The following DACH2 variants were observed in gnomAD, a reference collection of about 807,000 sequenced individuals.
The protein encoded by DACH2 is dachshund homolog 2.
Under a neutral mutation model 35.8 loss-of-function variants are expected in DACH2, and 17 were observed. The observed-to-expected ratio is 0.48, with a 90% confidence interval of 0.33 to 0.71. The LOEUF is 0.71. Ranked by LOEUF, DACH2 falls within the 30% of genes least tolerant of loss-of-function variation. The probability of loss-of-function intolerance (pLI) is 0.02; values close to 1 mark genes in which losing one functional copy is unlikely to be tolerated. For synonymous variants in DACH2, 195 were observed against 177.3 expected (o/e 1.10, Z -0.79); for missense variants, 469 against 472.7 (o/e 0.99, Z 0.07).
chrX:86,486,037 A>G (rs996863461), intron 2 of DACH2, among the ~76,000 whole-genome samples: 14 of 111,524 alleles, frequency 1.3e-4, no homozygotes, highest in Non-Finnish European at 2.4e-4. Context: ...CAAAACACTT[A>G]GAAGAGTGCC....
intron 1 of DACH2, among the ~76,000 whole-genome samples, chrX:86,302,957 A>G (rs2034603853): frequency 9.2e-6 from 1 of 108,343 alleles, no homozygotes; most frequent in African/African-American, 3.4e-5. Flanking sequence ...CAATGCTAAC[A>G]CAAACAATAT....
rs759179833 is a variant in DACH2 at position 86,468,187 on chromosome X, GGTTAA to G, written c.528-46087_528-46083del. On this transcript the variant is annotated intron_variant, in intron 2 of 11. Coordinates refer to ENST00000373125, the MANE Select transcript of DACH2 (RefSeq NM_053281.3). ...ATATAGTAAATGTTGAATGGCTTTG[GGTTAA>G]GTTATCAATGCTTAGGCACTAATAC... Among the ~76,000 whole-genome samples the G allele has an allele frequency of 5.4e-5, 6 of 111,164 alleles. No individual in the cohort carries two copies. The South Asian group carries it at 1.9e-3, about 35-fold the overall frequency.
At chrX:86,316,059 C>T (rs1053376406) in intron 1 of DACH2, among the ~76,000 whole-genome samples, 3 of 110,877 alleles carry the variant, frequency 2.7e-5, no homozygotes, top group African/African-American at 9.8e-5. Context: ...TTTCTATCAG[C>T]TCTCACCCTG....
At chrX:86,461,885 A>G (rs2037579988) in intron 2 of DACH2, among the ~76,000 whole-genome samples, 1 of 111,483 alleles carries the variant, frequency 9.0e-6, no homozygotes, top group Non-Finnish European at 1.9e-5. Context: ...TGCTTTTGAC[A>G]TCTACTTTTT....
At chrX:86,656,838 A>C (rs2040545498) in intron 4 of DACH2, among the ~76,000 whole-genome samples, 2 of 84,271 alleles carry the variant, frequency 2.4e-5, no homozygotes, top group African/African-American at 9.3e-5. Context: ...CATATGTATT[A>C]AAATACATGT....
chrX:86,556,274 G>A (rs920356275), intron 3 of DACH2, among the ~76,000 whole-genome samples: 1 of 110,940 alleles, frequency 9.0e-6, no homozygotes, highest in Non-Finnish European at 1.9e-5. Context: ...AAAGCCAATC[G>A]TTGCCTGTTC....
At chrX:86,308,017 C>T (rs2034723294) in intron 1 of DACH2, among the ~76,000 whole-genome samples, 2 of 111,807 alleles carry the variant, frequency 1.8e-5, no homozygotes, top group South Asian at 7.5e-4. Flanking sequence ...AGATGGCCCA[C>T]TGTGAGAGAG....
chrX:86,307,518 CA>C (rs1204964826), intron 1 of DACH2, among the ~76,000 whole-genome samples: 1 of 111,576 alleles, frequency 9.0e-6, no homozygotes, highest in African/African-American at 3.3e-5. Context: ...TTCCCATCTC[CA>C]GTAGTGGCAA....
intron 3 of DACH2, among the ~76,000 whole-genome samples, chrX:86,644,281 G>A (rs1024968793): frequency 3.6e-5 from 4 of 111,381 alleles, no homozygotes; most frequent in Non-Finnish European, 7.6e-5. Context: ...ACCAACAACA[G>A]CCAAACTGAG....
chrX:86,817,860 G>A (rs969695164), intron 11 of DACH2, among the ~76,000 whole-genome samples: 4 of 111,775 alleles, frequency 3.6e-5, no homozygotes, highest in African/African-American at 1.3e-4. Context: ...CTTGCACTTA[G>A]GAAAGGACAC....
chrX:86,511,173 C>T (rs1299535508), intron 2 of DACH2, among the ~76,000 whole-genome samples: 1 of 111,664 alleles, frequency 9.0e-6, no homozygotes, highest in African/African-American at 3.3e-5. Context: ...TCCTTCCCAA[C>T]TTTTTACAGA....
chrX:86,522,645 A>AAT (rs2038572860), intron 3 of DACH2, among the ~76,000 whole-genome samples: 1 of 109,706 alleles, frequency 9.1e-6, no homozygotes, highest in African/African-American at 3.3e-5. Context: ...AGATGTTCCA[A>AAT]AATGAAGTTA....
intron 7 of DACH2, among the ~76,000 whole-genome samples, chrX:86,774,735 C>A (rs1252148133): frequency 8.9e-6 from 1 of 111,789 alleles, no homozygotes; most frequent in Non-Finnish European, 1.9e-5. Flanking sequence ...TGTTTTATTT[C>A]ACAAAAGTTC....
intron 7 of DACH2, among the ~76,000 whole-genome samples, chrX:86,775,512 A>C (rs1442914375): frequency 1.8e-5 from 2 of 111,780 alleles, no homozygotes; most frequent in East Asian, 5.7e-4. Flanking sequence ...GAGGTGAAAC[A>C]GTTTCATCCT....
intron 2 of DACH2, among the ~76,000 whole-genome samples, chrX:86,469,836 G>GTGTGTT: frequency 9.5e-6 from 1 of 105,289 alleles, no homozygotes; most frequent in South Asian, 4.3e-4. Flanking sequence ...ATACGTCTGT[G>GTGTGTT]TGTGTTTGTG....
At chrX:86,715,297 A>C (rs2148460684) in intron 6 of DACH2, among the ~76,000 whole-genome samples, 1 of 111,862 alleles carries the variant, frequency 8.9e-6, no homozygotes, top group South Asian at 3.7e-4. Flanking sequence ...GTAAAACATT[A>C]ACAATATTTA....
intron 4 of DACH2, among the ~76,000 whole-genome samples, chrX:86,656,855 GTGTATATATATATA>G (rs1322528068): frequency 8.1e-5 from 5 of 62,029 alleles, no homozygotes; most frequent in African/African-American, 3.6e-4. Flanking sequence ...ATGTGTGTGT[GTGTATATATATATA>G]TATATATATA....
chrX:86,342,413 C>G (rs1262673171), intron 1 of DACH2, among the ~76,000 whole-genome samples: 1 of 111,119 alleles, frequency 9.0e-6, no homozygotes, highest in Non-Finnish European at 1.9e-5. Flanking sequence ...AAGTGCAAGC[C>G]AGACTGCTTG....
chrX:86,634,092 G>T (rs778982298), intron 3 of DACH2, among the ~76,000 whole-genome samples: 26 of 110,664 alleles, frequency 2.3e-4, no homozygotes, highest in Non-Finnish European at 4.3e-4. Flanking sequence ...TCTTACCATG[G>T]CTCAGCAGGA....
Sources: gnomAD v4.1 joint callset for allele counts (sites outside exome capture counted in the v4.1 genomes callset) on GRCh38, gnomAD v4.1.1 for gene constraint, MANE v1.5 for transcripts, NCBI Gene and HGNC (gene_info 2026-07-23, HGNC 2026-07-21) for gene names.